PAWR: variants seen among roughly 807,000 people sequenced by gnomAD.
The protein encoded by PAWR is pro-apoptotic WT1 regulator, also known as PRKC apoptosis WT1 regulator protein.
In PAWR, 23 loss-of-function variants were observed where a neutral mutation model predicts 32.0. The ratio of observed to expected loss-of-function variants is 0.72; its 90% CI spans 0.52 to 1.02. The LOEUF (loss-of-function observed/expected upper bound fraction) is 1.02. PAWR is among the 50% of genes least tolerant of loss of function. The pLI is 0.00. For missense variants in PAWR, 457 were observed against 437.7 expected, an observed-to-expected ratio of 1.04 and a Z score of -0.39; for synonymous variants, 226 against 187.1, an observed-to-expected ratio of 1.21 and a Z score of -1.70.
chr12:79,621,174 G>T lies in PAWR; in HGVS notation c.550C>A (p.Gln184Lys). 6.2e-7 allele frequency: 1 copy of T among 1,611,176 alleles called. No homozygotes were observed. Among genetic ancestry groups the T allele is most frequent in the Non-Finnish European group, 8.5e-7 (1 of 1,179,092 alleles). The change falls in exon 3 of 7, where the codon CAG becomes AAG. Residue 184 changes from glutamine (Q) to lysine (K), a missense_variant. By Grantham distance (53) the Gln-to-Lys change is moderately conservative. Transcript: ENST00000328827. ...LDEYEDDEAG[Q>K]KERKREDAIT... Reference sequence around the variant, plus strand: ...GCATCTTCTCGTTTCCGCTCTTTCTGCCCTGCTTCATCATCTTCGTACTCA... The same window carrying T: ...GCATCTTCTCGTTTCCGCTCTTTCTTCCCTGCTTCATCATCTTCGTACTCA...
chr12:79,599,741 G>A, intron 4 of PAWR, among the ~76,000 whole-genome samples: 1 of 152,234 alleles, frequency 6.6e-6, no homozygotes, highest in East Asian at 1.9e-4. Flanking sequence ...AAGCTATCAT[G>A]GTGTTGCTGG....
chr12:79,665,157 T>G (rs1279480485), intron 2 of PAWR, among the ~76,000 whole-genome samples: 1 of 152,192 alleles, frequency 6.6e-6, no homozygotes, highest in African/African-American at 2.4e-5. Context: ...AAATCTGATT[T>G]TTAAGGAAAA....
rs1047298684 is a variant in PAWR at position 79,599,553 on chromosome 12, T to C, written c.684-2895A>G. 2.0e-5 allele frequency among the ~76,000 whole-genome samples: 3 copies of C among 152,238 alleles called. No individual in the cohort carries two copies. In the East Asian group the frequency reaches 5.8e-4, roughly 29 times the overall value. On this transcript the variant is annotated intron_variant, in intron 4 of 6. Coordinates refer to ENST00000328827, the MANE Select transcript of PAWR (RefSeq NM_002583.4). The stretch of plus-strand genomic sequence containing the variant: ...CACATTTGTTGATACTGTAACCCTT[T>C]GCAAGTGTTATATAGTTCAGAGCAA...
At chr12:79,672,598 T>C (rs1181702027) in intron 2 of PAWR, among the ~76,000 whole-genome samples, 4 of 152,120 alleles carry the variant, frequency 2.6e-5, no homozygotes, top group African/African-American at 4.8e-5. Flanking sequence ...TTGCAGCCTC[T>C]ACTCTCTATA....
chr12:79,687,943 A>G (rs1163029664), intron 2 of PAWR, among the ~76,000 whole-genome samples: 1 of 152,172 alleles, frequency 6.6e-6, no homozygotes, highest in Non-Finnish European at 1.5e-5. Context: ...GTTACCACTA[A>G]AAGAAAGCAG....
intron 3 of PAWR, among the ~76,000 whole-genome samples, chr12:79,616,668 C>T (rs1212489974): frequency 6.6e-6 from 1 of 151,952 alleles, no homozygotes; most frequent in Non-Finnish European, 1.5e-5. Flanking sequence ...AGTATGCTAA[C>T]CAGAAGTCAT....
At chr12:79,669,558 A>G (rs1195309042) in intron 2 of PAWR, among the ~76,000 whole-genome samples, 1 of 152,198 alleles carries the variant, frequency 6.6e-6, no homozygotes, top group Non-Finnish European at 1.5e-5. Context: ...TCCTCCAACG[A>G]AAGCAACTCT....
intron 3 of PAWR, among the ~76,000 whole-genome samples, chr12:79,616,720 GTT>G (rs138472773): frequency 2.5e-4 from 37 of 148,610 alleles, no homozygotes; most frequent in African/African-American, 7.9e-4. Flanking sequence ...AGTTGTTTGG[GTT>G]TTTTTTTTAA....
intron 2 of PAWR, among the ~76,000 whole-genome samples, chr12:79,659,192 G>T (rs1401499796): frequency 1.3e-5 from 2 of 151,900 alleles, no homozygotes; most frequent in Non-Finnish European, 2.9e-5. Flanking sequence ...AGCTACTTGG[G>T]CTAAGGCAGG....
chr12:79,633,004 C>T (rs1245494078), intron 2 of PAWR, among the ~76,000 whole-genome samples: 2 of 151,918 alleles, frequency 1.3e-5, no homozygotes, highest in African/African-American at 4.8e-5. Flanking sequence ...CGTAGTGGCG[C>T]ATGTCTGTAG....
chr12:79,677,074 C>CTGCCT (rs1442483064), intron 2 of PAWR, among the ~76,000 whole-genome samples: 2 of 152,246 alleles, frequency 1.3e-5, no homozygotes, highest in East Asian at 3.9e-4. Flanking sequence ...TGTCCAAATC[C>CTGCCT]TGGCAGTGCT....
chr12:79,604,782 C>A, intron 4 of PAWR: 1 of 827,188 alleles, frequency 1.2e-6, no homozygotes, highest in Non-Finnish European at 1.7e-6. Flanking sequence ...AAATCAACTC[C>A]CATTATATTA....
intron 2 of PAWR, among the ~76,000 whole-genome samples, chr12:79,639,891 C>CTATTCCTATTCCTATTCCT (rs1352953692): frequency 7.0e-6 from 1 of 142,934 alleles, no homozygotes; most frequent in African/African-American, 2.8e-5. Context: ...TATTCCATTC[C>CTATTCCTATTCCTATTCCT]ATTCCATTCC....
intron 2 of PAWR, among the ~76,000 whole-genome samples, chr12:79,627,628 C>T (rs986293124): frequency 1.3e-5 from 2 of 152,012 alleles, no homozygotes; most frequent in Admixed American, 6.6e-5. Context: ...GCTTTTGTTG[C>T]CATTGCTTTT....
chr12:79,643,867 G>C (rs949766866), intron 2 of PAWR, among the ~76,000 whole-genome samples: 1 of 152,136 alleles, frequency 6.6e-6, no homozygotes, highest in African/African-American at 2.4e-5. Context: ...TGTTTGGTTA[G>C]AATGTTAACA....
chr12:79,589,063 T>C lies in PAWR; in HGVS notation c.*3544A>G, dbSNP rs2136666835. The C allele has an allele frequency of 6.6e-6, 1 of 152,098 alleles. No homozygotes were observed. Among genetic ancestry groups the C allele is most frequent in the Non-Finnish European group, 1.5e-5 (1 of 67,888 alleles). 9.4% of individuals were successfully genotyped at this position (152,098 alleles called of 1,614,324 possible). On this transcript the variant is annotated 3_prime_UTR_variant, in exon 7 of 7. Transcript: ENST00000328827. ...GAGACTGTAATTGGGAATACAATCCTATAACAAGTTATTAACAATATCATG... is the reference window on the plus strand; with the variant it reads ...GAGACTGTAATTGGGAATACAATCCCATAACAAGTTATTAACAATATCATG...
At chr12:79,595,445 A>G (rs564893251) in intron 5 of PAWR, among the ~76,000 whole-genome samples, 20 of 152,362 alleles carry the variant, frequency 1.3e-4, no homozygotes, top group African/African-American at 4.8e-4. Context: ...AGCTGCTGCC[A>G]ACTACTAGCA....
chr12:79,647,005 A>G (rs1203068741), intron 2 of PAWR, among the ~76,000 whole-genome samples: 2 of 151,928 alleles, frequency 1.3e-5, no homozygotes, highest in Non-Finnish European at 2.9e-5. Flanking sequence ...GTGAAACCCC[A>G]TCTTTACTAA....
chr12:79,614,497 A>G (rs1289420993), intron 3 of PAWR, among the ~76,000 whole-genome samples: 2 of 152,188 alleles, frequency 1.3e-5, no homozygotes, highest in Non-Finnish European at 2.9e-5. Context: ...AAGGTTGCTA[A>G]AAGTTAACAT....
Sources: gnomAD v4.1 joint callset for allele counts (sites outside exome capture counted in the v4.1 genomes callset) on GRCh38, gnomAD v4.1.1 for gene constraint, MANE v1.5 for transcripts, NCBI Gene and HGNC (gene_info 2026-07-23, HGNC 2026-07-21) for gene names.